The following MYO1E variants were observed in gnomAD, a reference collection of about 807,000 sequenced individuals.
The protein encoded by MYO1E is unconventional myosin-Ie.
MYO1E carries 68 observed loss-of-function variants against 151.1 expected under a neutral mutation model. That is an observed-to-expected ratio of 0.45 (90% CI 0.37 to 0.55). MYO1E has a LOEUF of 0.55. Ranked by LOEUF, MYO1E falls within the 20% of genes least tolerant of loss-of-function variation. The probability of loss-of-function intolerance (pLI) is 0.00; values close to 1 mark genes in which losing one functional copy is unlikely to be tolerated. For missense variants in MYO1E, 1,363 were observed against 1,389.3 expected, an observed-to-expected ratio of 0.98 and a Z score of 0.30; for synonymous variants, 601 against 501.7, an observed-to-expected ratio of 1.20 and a Z score of -2.64.
At chr15:59,176,984 G>A (rs548604088) in intron 19 of MYO1E, among the ~76,000 whole-genome samples, 3 of 152,154 alleles carry the variant, frequency 2.0e-5, no homozygotes, top group South Asian at 4.1e-4. Context: ...CCCCTCCAAC[G>A]CAACTGAAGC....
At chr15:59,310,057 G>A (rs759016251) in intron 1 of MYO1E, among the ~76,000 whole-genome samples, 5 of 152,006 alleles carry the variant, frequency 3.3e-5, no homozygotes, top group Admixed American at 6.6e-5. Flanking sequence ...GCCCTAACTC[G>A]TCTTTTTGGT....
intron 18 of MYO1E, among the ~76,000 whole-genome samples, chr15:59,186,851 T>C (rs2079701498): frequency 6.6e-6 from 1 of 152,210 alleles, no homozygotes; most frequent in African/African-American, 2.4e-5. Context: ...CGCCACAGAA[T>C]CATTAGAGAA....
intron 6 of MYO1E, among the ~76,000 whole-genome samples, chr15:59,230,454 G>T (rs1263051722): frequency 6.6e-6 from 1 of 151,710 alleles, no homozygotes; most frequent in Admixed American, 6.6e-5. Flanking sequence ...GGTCTCCAAG[G>T]AATCCAAGAC....
chr15:59,139,734 T>G (rs2079398062), intron 26 of MYO1E, among the ~76,000 whole-genome samples: 1 of 151,154 alleles, frequency 6.6e-6, no homozygotes, highest in Middle Eastern at 3.2e-3. Context: ...TACCTCCTCA[T>G]TATTACTCCT....
chr15:59,337,145 G>GT (rs2080734147), intron 1 of MYO1E, among the ~76,000 whole-genome samples: 1 of 152,168 alleles, frequency 6.6e-6, no homozygotes, highest in South Asian at 2.1e-4. Flanking sequence ...TTATGGAGGT[G>GT]TTTTATTATT....
intron 4 of MYO1E, among the ~76,000 whole-genome samples, chr15:59,246,719 A>T (rs2080132341): frequency 6.6e-6 from 1 of 152,186 alleles, no homozygotes; most frequent in Admixed American, 6.5e-5. Context: ...CATGAAAAGA[A>T]GGGGAAGACT....
At chr15:59,240,030 A>G (rs1475643531) in intron 4 of MYO1E, among the ~76,000 whole-genome samples, 2 of 152,240 alleles carry the variant, frequency 1.3e-5, no homozygotes, top group African/African-American at 4.8e-5. Flanking sequence ...GTTATTGTAC[A>G]GCAATTTGCT....
intron 16 of MYO1E, among the ~76,000 whole-genome samples, chr15:59,197,951 T>G (rs1212159475): frequency 4.6e-5 from 7 of 152,176 alleles, no homozygotes. Context: ...AGCCTTGGCC[T>G]CCCAAGCTCG....
chr15:59,147,467 G>A (rs897349997), intron 26 of MYO1E, among the ~76,000 whole-genome samples: 5 of 151,792 alleles, frequency 3.3e-5, no homozygotes, highest in African/African-American at 9.7e-5. Context: ...TGGCTCATGC[G>A]TGTAATCTCA....
chr15:59,178,532 G>A lies in MYO1E; in HGVS notation c.1910C>T (p.Ala637Val), dbSNP rs1356846658. The change falls in exon 19 of 28, where the codon GCC becomes GTC. Residue 637 changes from alanine to valine, a missense_variant. Transcript: ENST00000288235. ...AGGCCAGGTGGCTTTGGTCAGAATGGCATACCTGTGGGGACATTGGGGAGA... is the reference window on the plus strand; with the variant it reads ...AGGCCAGGTGGCTTTGGTCAGAATGACATACCTGTGGGGACATTGGGGAGA... ...RIFQKFLQRY[A>V]ILTKATWPSW... is the part of the protein sequence containing the mutation. The A allele has an allele frequency of 6.2e-7, 1 of 1,613,998 alleles. No homozygotes were observed. Among genetic ancestry groups the A allele is most frequent in the African/African-American group, 1.3e-5 (1 of 74,934 alleles).
rs183892273 is a variant in MYO1E at position 59,308,937 on chromosome 15, C to T, written c.4-36488G>A. ...GCAGAATTGCAGAAAGAGCTCTGGG[C>T]CTCAGAGAGTCAGAAAACCTGTTCG... On this transcript the variant is annotated intron_variant, in intron 1 of 27. Coordinates refer to ENST00000288235, the MANE Select transcript of MYO1E (RefSeq NM_004998.4). Among the ~76,000 whole-genome samples the T allele has an allele frequency of 1.3e-4, 19 of 151,890 alleles. No homozygotes were observed. In the East Asian group the frequency reaches 3.7e-3, roughly 30 times the overall value.
At chr15:59,208,905 C>T in intron 13 of MYO1E, 57 bp from the exon 14 acceptor site, 3 of 1,599,958 alleles carry the variant, frequency 1.9e-6, no homozygotes, top group Non-Finnish European at 2.6e-6. Context: ...ACAGACAATG[C>T]TTATCAGGTC....
chr15:59,256,382 G>GA lies in MYO1E; in HGVS notation c.238-5dup. 6.5e-7 allele frequency: 1 copy of GA among 1,543,556 alleles called. No individual in the cohort carries two copies. Among genetic ancestry groups the GA allele is most frequent in the Non-Finnish European group, 8.9e-7 (1 of 1,126,322 alleles). On this transcript the variant is annotated splice_polypyrimidine_tract_variant and splice_region_variant and intron_variant, in intron 3 of 27. Coordinates refer to ENST00000288235, the MANE Select transcript of MYO1E (RefSeq NM_004998.4). ...GTGGTGGGTTTTCATACTGTGCCTA[G>GA]AAAAGCAAAAAATAATAATACATAA...
In MYO1E at chr15:59,356,672, G is replaced by A. The variant is rs181683332; in HGVS notation, c.3+15826C>T. On this transcript the variant is annotated intron_variant, in intron 1 of 27. Coordinates refer to ENST00000288235, the MANE Select transcript of MYO1E (RefSeq NM_004998.4). The stretch of plus-strand genomic sequence containing the variant: ...GGCTCACTGCACCCTCTGCCTCCCG[G>A]GCTCCAGCAATCCTCCCACATAAGC... 1.9e-3 allele frequency among the ~76,000 whole-genome samples: 295 copies of A among 152,082 alleles called. 2 individuals are homozygous for A. The highest frequency in any genetic ancestry group is 6.9e-3 in the African/African-American group (286 of 41,484).
chr15:59,284,520 G>T (rs1305579039), intron 1 of MYO1E, among the ~76,000 whole-genome samples: 1 of 151,644 alleles, frequency 6.6e-6, no homozygotes, highest in Non-Finnish European at 1.5e-5. Context: ...CGCAAACATA[G>T]CTCACTGAGG....
chr15:59,142,514 C>A (rs1332593745), intron 26 of MYO1E, among the ~76,000 whole-genome samples: 3 of 152,242 alleles, frequency 2.0e-5, no homozygotes, highest in Non-Finnish European at 4.4e-5. Context: ...TTCTGTCCTT[C>A]GTGTCTTCCT....
intron 1 of MYO1E, among the ~76,000 whole-genome samples, chr15:59,307,668 C>T (rs1267718810): frequency 1.3e-5 from 2 of 151,968 alleles, no homozygotes; most frequent in African/African-American, 4.8e-5. Flanking sequence ...TGGAGTGCAA[C>T]GGCGCGATCT....
At chr15:59,258,234 C>T (rs191568667) in intron 3 of MYO1E, among the ~76,000 whole-genome samples, 1 of 152,326 alleles carries the variant, frequency 6.6e-6, no homozygotes, top group Admixed American at 6.5e-5. Context: ...GTAATCCCAG[C>T]TACTCAGGAG....
At chr15:59,264,402 C>G (rs755572925) in intron 2 of MYO1E, among the ~76,000 whole-genome samples, 5 of 152,070 alleles carry the variant, frequency 3.3e-5, no homozygotes, top group African/African-American at 4.8e-5. Context: ...GGTACTGTTG[C>G]GTTAATATTA....
Sources: allele counts gnomAD v4.1 joint callset (sites outside exome capture counted in the v4.1 genomes callset), GRCh38; gene constraint gnomAD v4.1.1; transcripts MANE v1.5; gene names NCBI Gene and HGNC (gene_info 2026-07-23, HGNC 2026-07-21).